Variants in HOXB3 observed in about 807,000 individuals in gnomAD.
HOXB3 encodes the protein homeobox B3.
A neutral mutation model predicts 29.2 loss-of-function variants in HOXB3; 17 were observed. The observed-to-expected ratio is 0.58, with a 90% CI of 0.40 to 0.87. HOXB3 has a LOEUF of 0.87. Among genes scored for constraint, HOXB3 ranks in the 40% least tolerant of loss-of-function variants. The probability of loss-of-function intolerance (pLI) is 0.00; values close to 1 mark genes in which losing one functional copy is unlikely to be tolerated. For synonymous variants in HOXB3, 317 were observed against 285.9 expected, an observed-to-expected ratio of 1.11 and a Z score of -1.10; for missense variants, 637 against 616.3, an observed-to-expected ratio of 1.03 and a Z score of -0.35.
intron 1 of HOXB3, among the ~76,000 whole-genome samples, chr17:48,585,823 C>T (rs1408026016): frequency 6.6e-6 from 1 of 152,122 alleles, no homozygotes; most frequent in Non-Finnish European, 1.5e-5. Context: ...AGAGGCGACG[C>T]CCCACACAGG....
intron 2 of HOXB3, among the ~76,000 whole-genome samples, chr17:48,569,460 A>G (rs1446972436): frequency 1.5e-5 from 2 of 136,474 alleles, no homozygotes; most frequent in Non-Finnish European, 3.2e-5. Context: ...GCTTCTGCTT[A>G]GTTCGTGGAG....
chr17:48,586,473 G>A (rs2070049149), intron 1 of HOXB3, among the ~76,000 whole-genome samples: 2 of 152,162 alleles, frequency 1.3e-5, no homozygotes, highest in African/African-American at 4.8e-5. Context: ...CCGGCGGCGC[G>A]TAATGTATGC....
intron 1 of HOXB3, among the ~76,000 whole-genome samples, chr17:48,584,927 C>T (rs1367838653): frequency 6.7e-6 from 1 of 148,216 alleles, no homozygotes; most frequent in Non-Finnish European, 1.5e-5. Flanking sequence ...CACCGCCCCA[C>T]CCCGCCCCCG....
At chr17:48,575,544 C>T (rs2069730521) in intron 1 of HOXB3, 1 of 152,494 alleles carries the variant, frequency 6.6e-6, no homozygotes, top group African/African-American at 2.4e-5. Context: ...TTTCTATTGT[C>T]ACTCTGTACA....
chr17:48,551,140 C>G lies in HOXB3; in HGVS notation c.490G>C (p.Gly164Arg). The change falls in exon 5 of 5, where the codon GGC becomes CGC. Residue 164 changes from glycine (G) to arginine (R), a missense_variant. Transcript: ENST00000498678. ...GGGGGGGGGGGSGGSGGGGGG... is the reference protein window; with the variant it reads ...GGGGGGGGGGRSGGSGGGGGG... ...CCACCGCCCCCGCTGCCACCACTGC[C>G]TCCGCCGCCGCCGCCACCGCCGCCG... 2 of 1,320,914 alleles carry G rather than the reference C, an allele frequency of 1.5e-6. No homozygotes were observed. The highest frequency in any genetic ancestry group is 5.8e-5 in the East Asian group (2 of 34,228). The allele number at this position is 1,320,914 out of a possible 1,614,324, so 81.8% of individuals were successfully genotyped here.
At chr17:48,551,938 C>A (rs1597809832) in intron 4 of HOXB3, 89 bp downstream of exon 4, 1 of 1,275,790 alleles carries the variant, frequency 7.8e-7, no homozygotes, top group Middle Eastern at 2.0e-4. Context: ...CAGGCAGCCT[C>A]GCGGGCGCCT....
At chr17:48,580,110 T>G (rs1034822636) in intron 1 of HOXB3, 6 of 334,224 alleles carry the variant, frequency 1.8e-5, no homozygotes, top group African/African-American at 1.2e-4. Context: ...TTTTCAATTC[T>G]CCTCTTCTAT....
intron 2 of HOXB3, among the ~76,000 whole-genome samples, chr17:48,561,645 C>G (rs919345763): frequency 2.0e-5 from 3 of 152,232 alleles, no homozygotes; most frequent in Non-Finnish European, 4.4e-5. Flanking sequence ...GGAGAGAAAT[C>G]AGGAAGTGTC....
chr17:48,583,814 A>G (rs1269656270), intron 1 of HOXB3, among the ~76,000 whole-genome samples: 1 of 152,204 alleles, frequency 6.6e-6, no homozygotes, highest in Admixed American at 6.5e-5. Context: ...AGAGAAACTC[A>G]CCTAAGGACT....
intron 2 of HOXB3, among the ~76,000 whole-genome samples, chr17:48,565,731 G>T (rs2069367746): frequency 6.6e-6 from 1 of 152,244 alleles, no homozygotes; most frequent in Non-Finnish European, 1.5e-5. Flanking sequence ...GACAAAAGGG[G>T]TAGTTTCCTT....
In HOXB3 at chr17:48,554,601, C is replaced by T. The variant is rs1425936465; in HGVS notation, c.-159+930G>A. The T allele has an allele frequency of 4.3e-6, 3 of 700,492 alleles. No homozygotes were observed. The highest frequency in any genetic ancestry group is 7.8e-6 in the Non-Finnish European group (3 of 384,150). 43.4% of individuals were successfully genotyped at this position (700,492 alleles called of 1,614,324 possible). On this transcript the variant is annotated intron_variant, in intron 3 of 4. Transcript: ENST00000498678. This position sits in a 1 kb window ranked among gnomAD's most constrained non-coding sequence, Gnocchi z 4.1. ...CTGCCTCAGCCGGTCGCTGCTGCCGCGGCGACTGGCGACAAGCTACCAGCC... is the reference window on the plus strand; with the variant it reads ...CTGCCTCAGCCGGTCGCTGCTGCCGTGGCGACTGGCGACAAGCTACCAGCC...
intron 2 of HOXB3, among the ~76,000 whole-genome samples, chr17:48,570,520 G>A (rs1261535912): frequency 6.6e-6 from 1 of 152,216 alleles, no homozygotes; most frequent in Non-Finnish European, 1.5e-5. Flanking sequence ...TCAGGGTACG[G>A]GAGCAGGGGT....
intron 1 of HOXB3, 117 bp from the exon 2 acceptor site, chr17:48,574,131 C>G (rs926007460): frequency 4.3e-6 from 2 of 464,310 alleles, no homozygotes; most frequent in African/African-American, 2.0e-5. Flanking sequence ...TGGCTGTGAA[C>G]TTTAAGCTCC....
At chr17:48,561,398 G>A (rs1356026046) in intron 2 of HOXB3, among the ~76,000 whole-genome samples, 1 of 152,198 alleles carries the variant, frequency 6.6e-6, no homozygotes, top group Non-Finnish European at 1.5e-5. Context: ...CTACTCCTCA[G>A]CTGAGAATAA....
chr17:48,587,368 G>C (rs755061557), intron 1 of HOXB3, among the ~76,000 whole-genome samples: 1 of 152,086 alleles, frequency 6.6e-6, no homozygotes, highest in Non-Finnish European at 1.5e-5. Context: ...AAATGGGGAG[G>C]GTTACCAGTA....
At position 48,550,524 on chromosome 17, in the gene HOXB3, G is replaced by A. The variant is rs1470917092; in HGVS notation, c.1106C>T (p.Ser369Phe). ...GGAAAGGTGGTTGAGGCCATAGAGG[G>A]AGGGGCCGGCAGGGGGCGGCAGCGG... ...ADPLPPPAGP[S>F]LYGLNHLSHH... is the part of the protein sequence containing the mutation. Residue 369 changes from serine (S) to phenylalanine (F), a missense_variant, in exon 5 of 5, where the codon TCC (serine) becomes TTC (phenylalanine). Transcript: ENST00000498678. 1.3e-6 allele frequency: 2 copies of A among 1,571,386 alleles called. No individual in the cohort carries two copies. The highest frequency in any genetic ancestry group is 1.7e-6 in the Non-Finnish European group (2 of 1,165,690).
chr17:48,580,834 G>A (rs2069918831), intron 1 of HOXB3: 1 of 152,126 alleles, frequency 6.6e-6, no homozygotes, highest in Non-Finnish European at 1.5e-5. Context: ...TGGGTTGCTG[G>A]TGGTAGGGCC....
rs2068623519 is a variant in HOXB3, at chr17:48,549,213, T to A, written c.*1121A>T. The A allele has an allele frequency of 6.6e-6, 1 of 152,460 alleles. No individual in the cohort carries two copies. 9.4% of individuals were successfully genotyped at this position (152,460 alleles called of 1,614,324 possible). A position where few individuals can be genotyped will look rare whatever the true frequency, so the allele number is the denominator to read the frequency against. On this transcript the variant is annotated 3_prime_UTR_variant, in exon 5 of 5. Transcript: ENST00000498678. ...CCTTTTTTTCCCTCATATAAATACA[T>A]AATGTAGGGGGATAAATAATACAAA...
At position 48,550,964 on chromosome 17, in the gene HOXB3, G is replaced by T. The variant is rs774703442; in HGVS notation, c.666C>A (p.Ala222=). ...GCCGCTCGCTGAGGTTCAGCAGGTT[G>T]GCCATCTCTACACGGCGAGGCCGGC... is the stretch of plus-strand genomic sequence containing the variant. The part of the protein sequence containing the change: ...YLCRPRRVEM[A]NLLNLSERQI... The change falls in exon 5 of 5, where the codon GCC becomes GCA. Residue 222 remains alanine (A), a synonymous_variant. Coordinates refer to ENST00000498678, the MANE Select transcript of HOXB3 (RefSeq NM_001384749.1). 2 of 1,613,800 alleles carry T rather than the reference G, an allele frequency of 1.2e-6. No individual in the cohort carries two copies. The highest frequency in any genetic ancestry group is 1.7e-5 in the Admixed American group (1 of 59,988).
Sources: gnomAD v4.1 joint callset for allele counts (sites outside exome capture counted in the v4.1 genomes callset) on GRCh38, gnomAD v4.1.1 for gene constraint, Gnocchi (gnomAD v3.1) non-coding constraint, MANE v1.5 for transcripts, NCBI Gene and HGNC (gene_info 2026-07-23, HGNC 2026-07-21) for gene names.